Variants in DLG1 observed in about 807,000 individuals in gnomAD.
DLG1 encodes the protein disks large homolog 1.
Under a neutral mutation model 123.4 loss-of-function variants are expected in DLG1, and 42 were observed. The observed-to-expected ratio is 0.34, with a 90% confidence interval of 0.27 to 0.44. DLG1 has a LOEUF of 0.44. DLG1 is among the 20% of genes least tolerant of loss of function. The probability of loss-of-function intolerance (pLI) is 1.00; values close to 1 mark genes in which losing one functional copy is unlikely to be tolerated. For synonymous variants in DLG1, 317 were observed against 356.2 expected (o/e 0.89, Z 1.24); for missense variants, 942 against 1,082.6 (o/e 0.87, Z 1.82).
At chr3:197,264,907 C>T (rs536175528) in intron 4 of DLG1, among the ~76,000 whole-genome samples, 4 of 152,228 alleles carry the variant, frequency 2.6e-5, no homozygotes, top group African/African-American at 7.2e-5. Context: ...GTACTGTAGG[C>T]GTGTATTTAT....
Position 197,076,803 on chromosome 3 carries a change from G to T in DLG1, c.1906-118C>A, listed in dbSNP as rs1449263746. 1.6e-5 allele frequency: 8 copies of T among 512,924 alleles called. No individual in the cohort carries two copies. In the East Asian group the frequency reaches 2.7e-4, roughly 17 times the overall value. 31.8% of individuals were successfully genotyped at this position (512,924 alleles called of 1,614,324 possible). A position where few individuals can be genotyped will look rare whatever the true frequency, so the allele number is the denominator to read the frequency against. ...TGACCACAGTGTGCAGTTTGTATAT[G>T]ATTTTTACTTTAATCTCATATAAAG... On this transcript the variant is annotated intron_variant, in intron 17 of 24. Transcript: ENST00000667157.
chr3:197,068,088 G>T (rs1740995874), intron 19 of DLG1, among the ~76,000 whole-genome samples: 1 of 152,082 alleles, frequency 6.6e-6, no homozygotes, highest in South Asian at 2.1e-4. Context: ...CCATACATTG[G>T]CATAAACATT....
rs547266233 is a variant in DLG1 at position 197,211,706 on chromosome 3, G to A, written c.319-17117C>T. ...GTAGAAAGTAGTATGGTGATTCCTC[G>A]AAGAGCTAAAAGCAGAACTACCATT... On this transcript the variant is annotated intron_variant, in intron 4 of 24. Coordinates refer to ENST00000667157, the MANE Select transcript of DLG1 (RefSeq NM_001366207.1). Among the ~76,000 whole-genome samples the A allele has an allele frequency of 2.3e-4, 34 of 146,308 alleles. 1 individual carries two copies. The highest frequency in any genetic ancestry group is 7.5e-4 in the African/African-American group (31 of 41,176).
In DLG1 at chr3:197,153,982, A is replaced by T. The variant is rs1467814209; in HGVS notation, c.484-4186T>A. ...CAAGAATAAGTGGCTTATTAAAAAA[A>T]ATATAAATCAATATAAACTGTTCCT... On this transcript the variant is annotated intron_variant, in intron 5 of 24. Coordinates refer to ENST00000667157, the MANE Select transcript of DLG1 (RefSeq NM_001366207.1). Among the ~76,000 whole-genome samples, 6 of 152,318 alleles carry T rather than the reference A, an allele frequency of 3.9e-5. No homozygotes were observed. In the South Asian group the frequency reaches 1.0e-3, roughly 26 times the overall value.
intron 10 of DLG1, among the ~76,000 whole-genome samples, chr3:197,131,589 T>TC (rs1462132470): frequency 1.1e-5 from 1 of 87,134 alleles, no homozygotes; most frequent in Non-Finnish European, 2.5e-5. Flanking sequence ...CCTTTCTTTT[T>TC]TTTTTTTTTT....
chr3:197,263,826 C>T lies in DLG1; in HGVS notation c.318+18853G>A, dbSNP rs1035721201. Among the ~76,000 whole-genome samples, 9 of 152,078 alleles carry T rather than the reference C, an allele frequency of 5.9e-5. No individual in the cohort carries two copies. In the East Asian group the frequency reaches 9.6e-4, roughly 16 times the overall value. ...AAAAAGAAAAGAAATGTCTCAAATA[C>T]CTACCACTTTATCCCCATCATCTTG... is the stretch of plus-strand genomic sequence containing the variant. On this transcript the variant is annotated intron_variant, in intron 4 of 24. Transcript: ENST00000667157.
At chr3:197,146,484 G>T (rs1790801852) in intron 6 of DLG1, among the ~76,000 whole-genome samples, 1 of 152,074 alleles carries the variant, frequency 6.6e-6, no homozygotes, top group Non-Finnish European at 1.5e-5. Flanking sequence ...AGAAAACCCA[G>T]AAATAAAGCC....
chr3:197,122,489 A>C (rs888277174), intron 11 of DLG1, among the ~76,000 whole-genome samples: 2 of 152,144 alleles, frequency 1.3e-5, no homozygotes, highest in South Asian at 4.1e-4. Flanking sequence ...AACAGTATAA[A>C]GATAGGAAAG....
chr3:197,136,544 C>A lies in DLG1; in HGVS notation c.1018G>T (p.Ala340Ser), dbSNP rs767620325. Residue 340 changes from alanine to serine, a missense_variant and splice_region_variant, in exon 10 of 25, where the codon GCA (alanine) becomes TCA (serine). Transcript: ENST00000667157. ...GACAATAGATTTCTTATACTTACTGCTAAAAGTTTATCTCCAATCTGAAGT... is the reference window on the plus strand; with the variant it reads ...GACAATAGATTTCTTATACTTACTGATAAAAGTTTATCTCCAATCTGAAGT... ...GKLQIGDKLL[A>S]VNNVCLEEVT... 3.7e-6 allele frequency: 6 copies of A among 1,607,160 alleles called. No individual in the cohort carries two copies. In the South Asian group the frequency reaches 5.6e-5, roughly 15 times the overall value.
At chr3:197,045,451 A>ATGTT (rs1346484495) in intron 24 of DLG1, among the ~76,000 whole-genome samples, 2 of 152,242 alleles carry the variant, frequency 1.3e-5, no homozygotes, top group East Asian at 1.9e-4. Context: ...AAGAAAGAAA[A>ATGTT]TGTTTATGGT....
intron 4 of DLG1, among the ~76,000 whole-genome samples, chr3:197,203,464 C>T (rs748593623): frequency 3.3e-5 from 5 of 151,800 alleles, no homozygotes; most frequent in Admixed American, 6.6e-5. Flanking sequence ...TATTGTATCT[C>T]ATGAATCCAG....
intron 19 of DLG1, among the ~76,000 whole-genome samples, chr3:197,068,279 T>C (rs892929035): frequency 4.6e-5 from 7 of 152,194 alleles, no homozygotes; most frequent in Non-Finnish European, 1.0e-4. Context: ...AGACAGTATA[T>C]ACTTTCATTA....
rs907921546 is a variant in DLG1 at position 197,069,088 on chromosome 3, G to C, written c.2047+131C>G. Reference sequence around the variant, plus strand: ...ATTTTTCAAGTACAGAATTTTACTTGTCTCTCCCTGATTTTAAAATAACGA... The same window carrying C: ...ATTTTTCAAGTACAGAATTTTACTTCTCTCTCCCTGATTTTAAAATAACGA... On this transcript the variant is annotated intron_variant, in intron 19 of 24. Transcript: ENST00000667157. 3 of 499,018 alleles carry C rather than the reference G, an allele frequency of 6.0e-6. No homozygotes were observed. The African/African-American group carries it at 6.0e-5, about 10-fold the overall frequency. The allele number at this position is 499,018 out of a possible 1,614,324, so 30.9% of individuals were successfully genotyped here.
chr3:197,219,500 T>G (rs556778119), intron 4 of DLG1, among the ~76,000 whole-genome samples: 1 of 152,306 alleles, frequency 6.6e-6, no homozygotes, highest in Middle Eastern at 3.4e-3. Context: ...CACATGCTTG[T>G]CAACTTAAAG....
chr3:197,151,565 A>AT (rs2149776161), intron 5 of DLG1, among the ~76,000 whole-genome samples: 1 of 152,322 alleles, frequency 6.6e-6, no homozygotes, highest in South Asian at 2.1e-4. Flanking sequence ...ACACGAGTTG[A>AT]TTGCTGCAGC....
At chr3:197,172,232 A>T (rs1804581302) in intron 5 of DLG1, among the ~76,000 whole-genome samples, 1 of 152,176 alleles carries the variant, frequency 6.6e-6, no homozygotes, top group Non-Finnish European at 1.5e-5. Context: ...ACGCTGGCGT[A>T]AACAAATATA....
At chr3:197,262,824 G>A (rs1193798186) in intron 4 of DLG1, among the ~76,000 whole-genome samples, 1 of 152,138 alleles carries the variant, frequency 6.6e-6, no homozygotes, top group African/African-American at 2.4e-5. Flanking sequence ...GCTGTGTTGA[G>A]AGCAGAGGGA....
At chr3:197,185,588 T>A (rs1715453822) in intron 5 of DLG1, among the ~76,000 whole-genome samples, 1 of 151,952 alleles carries the variant, frequency 6.6e-6, no homozygotes, top group South Asian at 2.1e-4. Context: ...AAGGAAAAAA[T>A]GAAACCTCCC....
At chr3:197,278,402 T>G (rs1438533684) in intron 4 of DLG1, among the ~76,000 whole-genome samples, 1 of 151,376 alleles carries the variant, frequency 6.6e-6, no homozygotes, top group Non-Finnish European at 1.5e-5. Context: ...CCCCCAAGTT[T>G]TGAGGATACA....
Sources: allele counts gnomAD v4.1 joint callset (sites outside exome capture counted in the v4.1 genomes callset), GRCh38; gene constraint gnomAD v4.1.1; transcripts MANE v1.5; gene names NCBI Gene and HGNC (gene_info 2026-07-23, HGNC 2026-07-21).